BBX: variants seen among roughly 807,000 people sequenced by gnomAD.
BBX encodes HMG box transcription factor BBX.
In BBX, 30 loss-of-function variants were observed where a neutral mutation model predicts 100.2. The observed-to-expected ratio is 0.30, with a 90% CI of 0.22 to 0.41. The LOEUF (loss-of-function observed/expected upper bound fraction) is 0.41. Among genes scored for constraint, BBX ranks in the 10% least tolerant of loss-of-function variants. BBX has a pLI of 1.00. For synonymous variants in BBX, 376 were observed against 388.1 expected (o/e 0.97, Z 0.37); for missense variants, 1,023 against 1,129.8 (o/e 0.91, Z 1.35).
intron 3 of BBX, among the ~76,000 whole-genome samples, chr3:107,660,456 G>C (rs551931330): frequency 1.9e-5 from 2 of 107,024 alleles, no homozygotes; most frequent in South Asian, 5.8e-4. Flanking sequence ...TGATGAAAAA[G>C]AAGCCATCAT....
intron 2 of BBX, among the ~76,000 whole-genome samples, chr3:107,565,481 G>T (rs866313): frequency 0.79 from 104,686 of 132,396 alleles, 40,250 homozygotes; most frequent in Non-Finnish European, 0.84. Flanking sequence ...ATTTATTTAT[G>T]TATGTTTGAG....
chr3:107,625,061 A>C (rs2056070092), intron 2 of BBX, among the ~76,000 whole-genome samples: 1 of 152,146 alleles, frequency 6.6e-6, no homozygotes, highest in South Asian at 2.1e-4. Context: ...AAATAATTTC[A>C]AAGAGAGTTG....
intron 3 of BBX, among the ~76,000 whole-genome samples, chr3:107,659,336 C>T (rs1487459714): frequency 2.6e-5 from 4 of 151,838 alleles, no homozygotes; most frequent in Non-Finnish European, 2.9e-5. Context: ...ATAGATATCA[C>T]TACAGCTCCC....
chr3:107,715,864 A>G (rs1334515199), intron 4 of BBX, among the ~76,000 whole-genome samples: 1 of 152,258 alleles, frequency 6.6e-6, no homozygotes. Flanking sequence ...AAGAGGATTC[A>G]AAATTGATTT....
chr3:107,562,989 TA>T (rs2050623186), intron 2 of BBX, among the ~76,000 whole-genome samples: 1 of 152,218 alleles, frequency 6.6e-6, no homozygotes, highest in Non-Finnish European at 1.5e-5. Context: ...TGCAAATACT[TA>T]GGAAATATCC....
At chr3:107,667,797 A>G (rs1487665107) in intron 3 of BBX, among the ~76,000 whole-genome samples, 1 of 152,072 alleles carries the variant, frequency 6.6e-6, no homozygotes, top group Non-Finnish European at 1.5e-5. Context: ...ATATTATTAG[A>G]AAGTATTTTA....
In BBX at chr3:107,537,663, T is replaced by A. The variant is rs73850108; in HGVS notation, c.-84+11265T>A. Among the ~76,000 whole-genome samples, 584 of 152,338 alleles carry A rather than the reference T, an allele frequency of 3.8e-3. 5 individuals are homozygous for A. Among genetic ancestry groups the A allele is most frequent in the African/African-American group, 0.014 (562 of 41,576 alleles). The stretch of plus-strand genomic sequence containing the variant: ...GGAGAACACCCGTGAGCTTGGTCAG[T>A]CTTCTCTTTTATGCATAGTGATCTA... On this transcript the variant is annotated intron_variant, in intron 2 of 17. Transcript: ENST00000325805.
chr3:107,704,270 T>C (rs2061257804), intron 3 of BBX, among the ~76,000 whole-genome samples: 1 of 152,246 alleles, frequency 6.6e-6, no homozygotes, highest in Non-Finnish European at 1.5e-5. Flanking sequence ...AGAAGTCATA[T>C]GTGGTTAAGT....
intron 2 of BBX, chr3:107,641,642 T>TTAC: frequency 6.6e-6 from 1 of 152,314 alleles, no homozygotes; most frequent in South Asian, 2.1e-4. Flanking sequence ...TTTGCCTTTA[T>TTAC]TACTATATTT....
intron 2 of BBX, among the ~76,000 whole-genome samples, chr3:107,621,533 A>G (rs1191321663): frequency 6.6e-6 from 1 of 152,236 alleles, no homozygotes; most frequent in African/African-American, 2.4e-5. Context: ...ATTATAAAGA[A>G]TATAGCTTAG....
At chr3:107,748,206 A>G (rs180725226) in intron 9 of BBX, among the ~76,000 whole-genome samples, 167 bp downstream of exon 9, 3 of 152,254 alleles carry the variant, frequency 2.0e-5, no homozygotes, top group Admixed American at 1.3e-4. Flanking sequence ...CTTTGATCTA[A>G]TCATAGTCAA....
chr3:107,778,593 C>G (rs777810280), intron 13 of BBX, 74 bp downstream of exon 13: 5 of 1,479,420 alleles, frequency 3.4e-6, no homozygotes, highest in Non-Finnish European at 4.6e-6. Context: ...TTTTAGCTCC[C>G]TTTAGACATA....
At chr3:107,635,321 T>G (rs1334979193) in intron 2 of BBX, among the ~76,000 whole-genome samples, 1 of 152,220 alleles carries the variant, frequency 6.6e-6, no homozygotes, top group Non-Finnish European at 1.5e-5. Context: ...TTTGTTTAAT[T>G]TTTTCTGCTA....
chr3:107,746,230 T>C (rs897411522), intron 8 of BBX, among the ~76,000 whole-genome samples: 8 of 152,186 alleles, frequency 5.3e-5, no homozygotes, highest in South Asian at 2.1e-4. Flanking sequence ...CTAACTTTTA[T>C]AGAGGGTTGG....
intron 3 of BBX, among the ~76,000 whole-genome samples, chr3:107,656,000 A>AAGTGCTAT (rs2058118791): frequency 6.6e-6 from 1 of 152,088 alleles, no homozygotes; most frequent in Non-Finnish European, 1.5e-5. Context: ...ATGTCCAGCT[A>AAGTGCTAT]AGTGCTATTT....
chr3:107,637,966 T>G (rs1164571285), intron 2 of BBX, among the ~76,000 whole-genome samples: 1 of 152,106 alleles, frequency 6.6e-6, no homozygotes, highest in Non-Finnish European at 1.5e-5. Flanking sequence ...CCAAGTGGAA[T>G]GCAGTGGTGC....
intron 2 of BBX, among the ~76,000 whole-genome samples, chr3:107,560,074 C>T (rs1289311899): frequency 1.3e-5 from 2 of 152,050 alleles, no homozygotes; most frequent in African/African-American, 2.4e-5. Flanking sequence ...CTTAACCTCT[C>T]GTTCAGTTTT....
At chr3:107,749,924 G>A (rs1188346776) in intron 9 of BBX, among the ~76,000 whole-genome samples, 1 of 152,090 alleles carries the variant, frequency 6.6e-6, no homozygotes, top group Non-Finnish European at 1.5e-5. Flanking sequence ...GTGAGCCATC[G>A]TGCCTGGCCA....
At chr3:107,734,159 A>T (rs1396592469) in intron 7 of BBX, among the ~76,000 whole-genome samples, 1 of 152,184 alleles carries the variant, frequency 6.6e-6, no homozygotes, top group Non-Finnish European at 1.5e-5. Flanking sequence ...GGTTTTGTAG[A>T]CATATAATTA....
Sources: allele counts gnomAD v4.1 joint callset (sites outside exome capture counted in the v4.1 genomes callset), GRCh38; gene constraint gnomAD v4.1.1; transcripts MANE v1.5; gene names NCBI Gene and HGNC (gene_info 2026-07-23, HGNC 2026-07-21).